The following SOX6 variants were observed in gnomAD, a reference collection of about 807,000 sequenced individuals.
The protein encoded by SOX6 is transcription factor SOX-6.
Under a neutral mutation model 97.8 loss-of-function variants are expected in SOX6, and 11 were observed. The observed-to-expected ratio is 0.11, with a 90% CI of 0.07 to 0.19. The LOEUF (loss-of-function observed/expected upper bound fraction) is 0.19, where lower values mean the gene tolerates loss of function less well. SOX6 is among the 10% of genes least tolerant of loss of function. The probability of loss-of-function intolerance (pLI) is 1.00; values close to 1 mark genes in which losing one functional copy is unlikely to be tolerated. For missense variants in SOX6, 810 were observed against 1,039.5 expected, an observed-to-expected ratio of 0.78 and a Z score of 3.04; for synonymous variants, 360 against 371.4, an observed-to-expected ratio of 0.97 and a Z score of 0.35.
intron 3 of SOX6, chr11:16,313,417 G>C (rs928434278): frequency 6.6e-6 from 1 of 152,114 alleles, no homozygotes; most frequent in East Asian, 1.9e-4. Context: ...AGCTAATCAT[G>C]AAATATGGCC....
chr11:16,377,974 T>C (rs1285005365), intron 1 of SOX6, among the ~76,000 whole-genome samples: 1 of 152,116 alleles, frequency 6.6e-6, no homozygotes, highest in South Asian at 2.1e-4. Context: ...CTTGGCAAAG[T>C]GTATCAAAAC....
chr11:16,172,474 G>T (rs893703685), intron 6 of SOX6, among the ~76,000 whole-genome samples: 8 of 152,008 alleles, frequency 5.3e-5, no homozygotes, highest in African/African-American at 1.9e-4. Flanking sequence ...ATTTCATGGG[G>T]CAAGCATTAC....
In SOX6 at chr11:16,356,146, C is replaced by G. The variant is rs2134367477; in HGVS notation, c.-57G>C. On this transcript the variant is annotated 5_prime_UTR_variant, in exon 1 of 16. Coordinates refer to ENST00000683767, the MANE Select transcript of SOX6 (RefSeq NM_001367873.1). ...ATCCGGCTTTCTCTTACCACATCAG[C>G]CAGAACTTCAGAACTTGAGGGCATA... Among the ~76,000 whole-genome samples the G allele has an allele frequency of 6.6e-6, 1 of 151,814 alleles. No individual in the cohort carries two copies. The highest frequency in any genetic ancestry group is 1.9e-4 in the East Asian group (1 of 5,154).
intron 9 of SOX6, among the ~76,000 whole-genome samples, chr11:16,095,056 T>A (rs1215812551): frequency 6.6e-6 from 1 of 151,924 alleles, no homozygotes; most frequent in Non-Finnish European, 1.5e-5. Context: ...AGAAGTTAAA[T>A]GTACATCTTG....
At chr11:16,428,655 T>C (rs540209791) in intron 1 of SOX6, among the ~76,000 whole-genome samples, 1 of 152,342 alleles carries the variant, frequency 6.6e-6, no homozygotes, top group East Asian at 1.9e-4. Flanking sequence ...GCATTATTTC[T>C]GAGGGCTCTG....
Position 16,046,670 on chromosome 11 carries a change from A to G in SOX6, c.1467T>C (p.Leu489=), listed in dbSNP as rs1160912436. 1.2e-6 allele frequency: 2 copies of G among 1,613,542 alleles called. No individual in the cohort carries two copies. The highest frequency in any genetic ancestry group is 1.7e-6 in the Non-Finnish European group (2 of 1,179,704). The part of the protein sequence containing the change: ...DILSSLNSPA[L]FGDQDTVMKA... ...TCATCACTGTATCCTGATCCCCAAAAAGGGCAGGGGAGTTGAGACTAGATA... is the reference window on the plus strand; with the variant it reads ...TCATCACTGTATCCTGATCCCCAAAGAGGGCAGGGGAGTTGAGACTAGATA... The change falls in exon 12 of 16, where the codon CTT becomes CTC. Residue 489 remains leucine, a synonymous_variant. Transcript: ENST00000683767.
At chr11:16,522,265 G>T (rs1861079819) in intron 4 of SOX6, among the ~76,000 whole-genome samples, 1 of 152,148 alleles carries the variant, frequency 6.6e-6, no homozygotes, top group Non-Finnish European at 1.5e-5. Flanking sequence ...AAGCCCATCA[G>T]ACTAACAGCG....
At chr11:16,062,774 C>T (rs1403700398) in intron 9 of SOX6, among the ~76,000 whole-genome samples, 1 of 151,612 alleles carries the variant, frequency 6.6e-6, no homozygotes, top group East Asian at 1.9e-4. Flanking sequence ...TTAAAATGTT[C>T]CACCTTTAAT....
intron 3 of SOX6, chr11:16,284,003 T>A: frequency 6.6e-6 from 2 of 303,012 alleles, no homozygotes; most frequent in Non-Finnish European, 1.3e-5. Context: ...GTTTACACTA[T>A]TAATAATGAG....
chr11:16,520,868 G>A (rs770574954), intron 4 of SOX6, among the ~76,000 whole-genome samples: 2 of 152,326 alleles, frequency 1.3e-5, no homozygotes, highest in African/African-American at 4.8e-5. Context: ...ACGGAGTCTC[G>A]CTGATTGCTA....
At chr11:16,697,646 C>A (rs564470788) in intron 3 of SOX6, among the ~76,000 whole-genome samples, 2 of 152,306 alleles carry the variant, frequency 1.3e-5, no homozygotes, top group South Asian at 4.1e-4. Context: ...ACTTTGCTCA[C>A]ATCCATTAAA....
intron 6 of SOX6, among the ~76,000 whole-genome samples, chr11:16,139,456 T>G (rs1850070129): frequency 6.6e-6 from 1 of 152,226 alleles, no homozygotes; most frequent in Non-Finnish European, 1.5e-5. Context: ...GGTCAGTTCA[T>G]GAATCCATGT....
chr11:16,543,033 C>T (rs1565176448), intron 4 of SOX6, among the ~76,000 whole-genome samples: 1 of 152,064 alleles, frequency 6.6e-6, no homozygotes, highest in Non-Finnish European at 1.5e-5. Flanking sequence ...CACACAAACA[C>T]ACACACACAA....
At chr11:15,999,059 CA>C (rs745623409) in intron 13 of SOX6, among the ~76,000 whole-genome samples, 1 of 151,242 alleles carries the variant, frequency 6.6e-6, no homozygotes, top group African/African-American at 2.4e-5. Flanking sequence ...AAAGAATGAC[CA>C]AAAAAATCTA....
At chr11:16,529,791 C>T (rs866741594) in intron 4 of SOX6, among the ~76,000 whole-genome samples, 1 of 152,108 alleles carries the variant, frequency 6.6e-6, no homozygotes, top group East Asian at 1.9e-4. Flanking sequence ...CACTCAGACC[C>T]TTTAACATTG....
chr11:16,249,722 C>T (rs1423474792), intron 3 of SOX6, among the ~76,000 whole-genome samples: 1 of 152,108 alleles, frequency 6.6e-6, no homozygotes, highest in African/African-American at 2.4e-5. Context: ...TGATAAATGC[C>T]ACCAGGTAGA....
chr11:16,442,883 C>A (rs1176493268), intron 1 of SOX6, among the ~76,000 whole-genome samples: 1 of 152,082 alleles, frequency 6.6e-6, no homozygotes, highest in East Asian at 1.9e-4. Context: ...CGTATCTTAT[C>A]AAAATTAATT....
chr11:16,529,678 C>T (rs767639405), intron 4 of SOX6, among the ~76,000 whole-genome samples: 21 of 151,962 alleles, frequency 1.4e-4, no homozygotes, highest in African/African-American at 4.1e-4. Context: ...ATAAATTACA[C>T]GGTATATTAA....
intron 1 of SOX6, among the ~76,000 whole-genome samples, chr11:16,454,327 C>T (rs549170249): frequency 6.6e-6 from 1 of 152,058 alleles, no homozygotes; most frequent in Non-Finnish European, 1.5e-5. Context: ...GACACCTCAT[C>T]AGTAGCTTCT....
Sources: allele counts gnomAD v4.1 joint callset (sites outside exome capture counted in the v4.1 genomes callset), GRCh38; gene constraint gnomAD v4.1.1; transcripts MANE v1.5; gene names NCBI Gene and HGNC (gene_info 2026-07-23, HGNC 2026-07-21).